GRM7: variants seen among roughly 807,000 people sequenced by gnomAD.
GRM7 encodes the protein glutamate metabotropic receptor 7, also known as metabotropic glutamate receptor 7.
GRM7 carries 35 observed loss-of-function variants against 84.5 expected under a neutral mutation model. The ratio of observed to expected loss-of-function variants is 0.41; its 90% CI spans 0.32 to 0.55. The LOEUF is 0.55. GRM7 is among the 20% of genes least tolerant of loss of function. The pLI, the probability that GRM7 is intolerant of heterozygous loss-of-function variation, is 0.19. For synonymous variants in GRM7, 487 were observed against 455.1 expected, an observed-to-expected ratio of 1.07 and a Z score of -0.89; for missense variants, 1,003 against 1,194.6, an observed-to-expected ratio of 0.84 and a Z score of 2.36.
chr3:7,197,508 C>T (rs1386702285), intron 2 of GRM7, among the ~76,000 whole-genome samples: 3 of 152,062 alleles, frequency 2.0e-5, no homozygotes, highest in Non-Finnish European at 4.4e-5. Context: ...ACTCTTTATC[C>T]TGACATGTTC....
In GRM7 at chr3:7,677,284, A is replaced by AC. The variant is rs1203493574; in HGVS notation, c.2452-2765_2452-2764insC. 4.9e-4 allele frequency among the ~76,000 whole-genome samples: 73 copies of AC among 149,344 alleles called. 1 individual carries two copies. The highest frequency in any genetic ancestry group is 1.8e-3 in the African/African-American group (70 of 39,356). ...CTTTAAAAAAAAAAAAAAAAAAAAA[A>AC]AAAAAAAAAACTTACATATTACTTA... On this transcript the variant is annotated intron_variant, in intron 8 of 9. Coordinates refer to ENST00000357716, the MANE Select transcript of GRM7 (RefSeq NM_000844.4).
intron 4 of GRM7, among the ~76,000 whole-genome samples, chr3:7,356,011 T>C (rs1048520160): frequency 6.6e-6 from 1 of 152,076 alleles, no homozygotes; most frequent in Non-Finnish European, 1.5e-5. Flanking sequence ...CCTAAGGATG[T>C]TGGTGAAGGG....
chr3:6,886,052 C>T (rs1695680275), intron 1 of GRM7, among the ~76,000 whole-genome samples: 1 of 152,044 alleles, frequency 6.6e-6, no homozygotes, highest in African/African-American at 2.4e-5. Context: ...ATGTTTACCA[C>T]AATCTAAATA....
At chr3:7,225,221 C>T (rs1696943660) in intron 2 of GRM7, among the ~76,000 whole-genome samples, 1 of 151,564 alleles carries the variant, frequency 6.6e-6, no homozygotes, top group Admixed American at 6.6e-5. Flanking sequence ...ATGTATCCTT[C>T]ACTCATACCT....
At chr3:7,435,178 G>A (rs1192167642) in intron 5 of GRM7, among the ~76,000 whole-genome samples, 6 of 150,148 alleles carry the variant, frequency 4.0e-5, no homozygotes, top group Non-Finnish European at 8.9e-5. Flanking sequence ...TTTTTTTTGG[G>A]CGGGGGACAG....
chr3:6,997,980 G>A (rs1189385494), intron 1 of GRM7, among the ~76,000 whole-genome samples: 4 of 151,656 alleles, frequency 2.6e-5, no homozygotes, highest in African/African-American at 7.3e-5. Flanking sequence ...TTAGCTGGGT[G>A]TGGTGGCCTG....
At chr3:7,058,076 A>G (rs1225105013) in intron 1 of GRM7, among the ~76,000 whole-genome samples, 1 of 151,954 alleles carries the variant, frequency 6.6e-6, no homozygotes, top group Non-Finnish European at 1.5e-5. Context: ...AAACACATGC[A>G]GAATTTTATC....
At chr3:7,719,302 G>A (rs1701863625) in intron 9 of GRM7, among the ~76,000 whole-genome samples, 1 of 152,104 alleles carries the variant, frequency 6.6e-6, no homozygotes, top group Non-Finnish European at 1.5e-5. Flanking sequence ...AGAGATAGAT[G>A]GCCATTCTCT....
At chr3:7,199,456 T>G (rs1365815449) in intron 2 of GRM7, among the ~76,000 whole-genome samples, 1 of 152,238 alleles carries the variant, frequency 6.6e-6, no homozygotes, top group African/African-American at 2.4e-5. Flanking sequence ...TCCGTAAGGT[T>G]GTTTATTTAA....
chr3:7,121,602 A>T (rs1322089354), intron 1 of GRM7, among the ~76,000 whole-genome samples: 2 of 152,116 alleles, frequency 1.3e-5, no homozygotes, highest in Non-Finnish European at 2.9e-5. Flanking sequence ...ATTCTTTTCT[A>T]TCTCCCTCTT....
At chr3:7,308,033 G>A (rs1700254301) in intron 4 of GRM7, among the ~76,000 whole-genome samples, 1 of 152,106 alleles carries the variant, frequency 6.6e-6, no homozygotes, top group South Asian at 2.1e-4. Context: ...GTGATAACTG[G>A]GATGAAAGTT....
chr3:7,327,743 G>A (rs1319175834), intron 4 of GRM7, among the ~76,000 whole-genome samples: 2 of 152,152 alleles, frequency 1.3e-5, no homozygotes, highest in South Asian at 2.1e-4. Context: ...ACACGAGGTG[G>A]ACCAGGTGGG....
chr3:7,315,254 G>A (rs1252142528), intron 4 of GRM7, among the ~76,000 whole-genome samples: 1 of 152,192 alleles, frequency 6.6e-6, no homozygotes, highest in East Asian at 1.9e-4. Context: ...TCAGTCACCA[G>A]TGAAAGCTTA....
chr3:6,979,894 C>G (rs1342529815), intron 1 of GRM7, among the ~76,000 whole-genome samples: 1 of 152,038 alleles, frequency 6.6e-6, no homozygotes, highest in Non-Finnish European at 1.5e-5. Context: ...CCATTTTCTT[C>G]TTTTTCTCCA....
At chr3:7,067,581 A>G (rs1422197453) in intron 1 of GRM7, among the ~76,000 whole-genome samples, 2 of 151,962 alleles carry the variant, frequency 1.3e-5, no homozygotes, top group Non-Finnish European at 2.9e-5. Context: ...TTTTTAATGC[A>G]TGACTCCCAG....
At chr3:7,737,640 C>T (rs1702549244) in intron 9 of GRM7, among the ~76,000 whole-genome samples, 2 of 152,072 alleles carry the variant, frequency 1.3e-5, no homozygotes, top group African/African-American at 4.8e-5. Context: ...CACAAATTGC[C>T]CTTCTAGGAC....
At chr3:7,430,503 T>C (rs1470505806) in intron 5 of GRM7, among the ~76,000 whole-genome samples, 9 of 152,240 alleles carry the variant, frequency 5.9e-5, no homozygotes, top group Non-Finnish European at 1.2e-4. Flanking sequence ...GAGCCAGCAC[T>C]TTATGCGTCG....
chr3:7,076,673 A>G (rs1009379101), intron 1 of GRM7, among the ~76,000 whole-genome samples: 1 of 152,128 alleles, frequency 6.6e-6, no homozygotes, highest in Non-Finnish European at 1.5e-5. Context: ...CTCCTTAGGC[A>G]AGTATGTTCC....
chr3:7,541,753 G>T (rs1692893795), intron 7 of GRM7, among the ~76,000 whole-genome samples: 1 of 152,184 alleles, frequency 6.6e-6, no homozygotes, highest in Admixed American at 6.5e-5. Context: ...AATGAAATCT[G>T]CATTTCTTAC....
Sources: allele counts gnomAD v4.1 joint callset (sites outside exome capture counted in the v4.1 genomes callset), GRCh38; gene constraint gnomAD v4.1.1; transcripts MANE v1.5; gene names NCBI Gene and HGNC (gene_info 2026-07-23, HGNC 2026-07-21).